Variants in PITPNC1 observed in about 807,000 individuals in gnomAD.
PITPNC1 encodes the protein phosphatidylinositol transfer protein cytoplasmic 1, also known as cytoplasmic phosphatidylinositol transfer protein 1.
Under a neutral mutation model 44.7 loss-of-function variants are expected in PITPNC1, and 18 were observed. The observed-to-expected ratio is 0.40, with a 90% CI of 0.28 to 0.60. PITPNC1 has a LOEUF of 0.60. Among genes scored for constraint, PITPNC1 ranks in the 20% least tolerant of loss-of-function variants. The pLI is 0.39. For synonymous variants in PITPNC1, 141 were observed against 149.6 expected, an observed-to-expected ratio of 0.94 and a Z score of 0.42; for missense variants, 290 against 418.4, an observed-to-expected ratio of 0.69 and a Z score of 2.68.
intron 6 of PITPNC1, among the ~76,000 whole-genome samples, chr17:67,651,994 C>T (rs1385466829): frequency 6.6e-6 from 1 of 152,192 alleles, no homozygotes; most frequent in Non-Finnish European, 1.5e-5. Flanking sequence ...AAAAATCTGA[C>T]ATGTGATATG....
At chr17:67,575,903 G>A (rs2041142967) in intron 4 of PITPNC1, among the ~76,000 whole-genome samples, 1 of 87,718 alleles carries the variant, frequency 1.1e-5, no homozygotes, top group East Asian at 3.5e-4. Flanking sequence ...TTGAGACTGA[G>A]TCTCACTCTG....
Position 67,572,521 on chromosome 17 carries a change from G to C in PITPNC1, c.295-5665G>C, listed in dbSNP as rs549266720. Among the ~76,000 whole-genome samples the C allele has an allele frequency of 1.6e-3, 235 of 146,044 alleles. 1 individual carries two copies. The highest frequency in any genetic ancestry group is 5.7e-3 in the African/African-American group (227 of 39,710). On this transcript the variant is annotated intron_variant, in intron 4 of 8. Transcript: ENST00000581322. ...GTGACTTTGATGACCACCATTCCTAGTGGTGCTGGTATTAGGGGGGCACCC... is the reference window on the plus strand; with the variant it reads ...GTGACTTTGATGACCACCATTCCTACTGGTGCTGGTATTAGGGGGGCACCC...
intron 4 of PITPNC1, among the ~76,000 whole-genome samples, chr17:67,564,118 G>T (rs1381488642): frequency 6.6e-6 from 1 of 151,776 alleles, no homozygotes; most frequent in East Asian, 1.9e-4. Flanking sequence ...GATTAGATAG[G>T]TAGACAGATT....
chr17:67,625,606 GTCC>G (rs1354270519), intron 5 of PITPNC1, among the ~76,000 whole-genome samples: 5 of 152,236 alleles, frequency 3.3e-5, no homozygotes, highest in Admixed American at 1.3e-4. Flanking sequence ...ATTTCACCTT[GTCC>G]CTGCTCTCCA....
intron 1 of PITPNC1, among the ~76,000 whole-genome samples, chr17:67,481,401 T>C (rs975427880): frequency 6.6e-6 from 1 of 152,164 alleles, no homozygotes; most frequent in African/African-American, 2.4e-5. Flanking sequence ...GGGAACAAAA[T>C]CCTTACAGGC....
intron 1 of PITPNC1, among the ~76,000 whole-genome samples, chr17:67,422,225 G>A (rs1416592761): frequency 1.3e-5 from 2 of 152,190 alleles, no homozygotes; most frequent in African/African-American, 2.4e-5. Context: ...GAGGAAGGAA[G>A]GCTATTAATA....
chr17:67,582,576 A>G (rs1041715455), intron 5 of PITPNC1, among the ~76,000 whole-genome samples: 11 of 137,404 alleles, frequency 8.0e-5, no homozygotes, highest in Admixed American at 2.9e-4. Context: ...ACGTGACCCA[A>G]TATCTAGTAA....
At chr17:67,458,218 C>G (rs369204814) in intron 1 of PITPNC1, among the ~76,000 whole-genome samples, 127 of 152,326 alleles carry the variant, frequency 8.3e-4, no homozygotes, top group Middle Eastern at 3.4e-3. Context: ...TTTTCCTTCA[C>G]AGGTGTTTTT....
chr17:67,610,878 G>A (rs193222383), intron 5 of PITPNC1, among the ~76,000 whole-genome samples: 44 of 146,776 alleles, frequency 3.0e-4, no homozygotes, highest in African/African-American at 7.6e-4. Context: ...CCGAGATTGC[G>A]CCACTGCACT....
intron 8 of PITPNC1, among the ~76,000 whole-genome samples, chr17:67,689,251 A>G (rs1036507774): frequency 6.6e-6 from 1 of 152,040 alleles, no homozygotes. Context: ...AAAGTAAAAT[A>G]AAAAATAAAG....
At chr17:67,395,922 A>G (rs2038213545) in intron 1 of PITPNC1, among the ~76,000 whole-genome samples, 1 of 152,160 alleles carries the variant, frequency 6.6e-6, no homozygotes, top group Non-Finnish European at 1.5e-5. Flanking sequence ...TCATTTTTTA[A>G]TATTATGTTT....
At chr17:67,387,739 C>T (rs1200667532) in intron 1 of PITPNC1, among the ~76,000 whole-genome samples, 4 of 152,296 alleles carry the variant, frequency 2.6e-5, no homozygotes, top group East Asian at 3.9e-4. Flanking sequence ...TGCCTCTCCA[C>T]GCCTGTTTAT....
chr17:67,596,700 T>C (rs1367722290), intron 5 of PITPNC1, among the ~76,000 whole-genome samples: 1 of 151,814 alleles, frequency 6.6e-6, no homozygotes, highest in Non-Finnish European at 1.5e-5. Context: ...TCAGACTCGA[T>C]TTGCTCATGT....
chr17:67,472,187 G>A (rs71382125), intron 1 of PITPNC1, among the ~76,000 whole-genome samples: 10,052 of 151,880 alleles, frequency 0.066, 368 homozygotes, highest in Middle Eastern at 0.11. Flanking sequence ...GTCTACCAGA[G>A]TTACCCACCG....
At chr17:67,618,109 C>T (rs1388673022) in intron 5 of PITPNC1, among the ~76,000 whole-genome samples, 1 of 152,006 alleles carries the variant, frequency 6.6e-6, no homozygotes, top group East Asian at 1.9e-4. Context: ...GCTTATAATC[C>T]CAGCACTTTG....
Position 67,443,413 on chromosome 17 carries a change from A to G in PITPNC1, c.48+65211A>G, listed in dbSNP as rs148557924. Among the ~76,000 whole-genome samples the G allele has an allele frequency of 5.1e-4, 77 of 151,242 alleles. No homozygotes were observed. In the East Asian group the frequency reaches 0.013, roughly 26 times the overall value. On this transcript the variant is annotated intron_variant, in intron 1 of 8. Transcript: ENST00000581322. The stretch of plus-strand genomic sequence containing the variant: ...ATAGGAAATTGTTCGTTTCCACTCA[A>G]TTCATATCTTGGTGGTTGCATTCAT...
chr17:67,550,104 C>T (rs1205839694), intron 2 of PITPNC1, among the ~76,000 whole-genome samples: 1 of 152,172 alleles, frequency 6.6e-6, no homozygotes, highest in Non-Finnish European at 1.5e-5. Context: ...TCAGCGAAAG[C>T]TATAAAAACC....
intron 1 of PITPNC1, among the ~76,000 whole-genome samples, chr17:67,440,704 T>C (rs927664511): frequency 6.6e-6 from 1 of 151,398 alleles, no homozygotes; most frequent in Non-Finnish European, 1.5e-5. Context: ...GGCTGATTTT[T>C]TTTTTGAAAA....
intron 4 of PITPNC1, among the ~76,000 whole-genome samples, chr17:67,563,566 C>T (rs564162052): frequency 1.3e-5 from 2 of 152,306 alleles, no homozygotes; most frequent in South Asian, 2.1e-4. Context: ...GAGTGGTTTT[C>T]AAACTGTCCT....
Sources: gnomAD v4.1 joint callset for allele counts (sites outside exome capture counted in the v4.1 genomes callset) on GRCh38, gnomAD v4.1.1 for gene constraint, MANE v1.5 for transcripts, NCBI Gene and HGNC (gene_info 2026-07-23, HGNC 2026-07-21) for gene names.